Variants in GNG7 observed in about 807,000 individuals in gnomAD.
The protein encoded by GNG7 is guanine nucleotide-binding protein G(I)/G(S)/G(O) subunit gamma-7.
Under a neutral mutation model 4.0 loss-of-function variants are expected in GNG7, and 1 was observed. The ratio of observed to expected loss-of-function variants is 0.25; its 90% CI spans 0.09 to 1.18. GNG7 has a LOEUF of 1.18. Ranked by LOEUF, GNG7 falls within the 50% of genes most tolerant of loss-of-function variation. The pLI, the probability that GNG7 is intolerant of heterozygous loss-of-function variation, is 0.50. For missense variants in GNG7, 86 were observed against 91.9 expected, an observed-to-expected ratio of 0.94 and a Z score of 0.26; for synonymous variants, 34 against 36.9, an observed-to-expected ratio of 0.92 and a Z score of 0.29.
At chr19:2,587,862 AGAAG>A (rs71178293) in intron 2 of GNG7, among the ~76,000 whole-genome samples, 20,454 of 144,806 alleles carry the variant, frequency 0.14, 2,746 homozygotes, top group East Asian at 0.37. Flanking sequence ...AGAGAAAGAG[AGAAG>A]GAAGGAAGGA....
chr19:2,664,445 C>G (rs1983253889), intron 1 of GNG7, among the ~76,000 whole-genome samples: 1 of 152,190 alleles, frequency 6.6e-6, no homozygotes, highest in South Asian at 2.1e-4. Context: ...AGCCACGAGA[C>G]TGATGACGGC....
At chr19:2,699,486 G>A (rs1191133254) in intron 1 of GNG7, among the ~76,000 whole-genome samples, 1 of 152,104 alleles carries the variant, frequency 6.6e-6, no homozygotes, top group Non-Finnish European at 1.5e-5. Context: ...AAAGCAGTGA[G>A]ACCTTACTTC....
chr19:2,562,675 T>A (rs1979779435), intron 2 of GNG7, among the ~76,000 whole-genome samples: 1 of 152,062 alleles, frequency 6.6e-6, no homozygotes, highest in Non-Finnish European at 1.5e-5. Flanking sequence ...ATTTACTGAG[T>A]GTACCCTGGT....
In GNG7 at chr19:2,618,235, C is replaced by T. The variant is rs1457212974; in HGVS notation, c.-78+27989G>A. Among the ~76,000 whole-genome samples, 2 of 152,158 alleles carry T rather than the reference C, an allele frequency of 1.3e-5. No homozygotes were observed. The highest frequency in any genetic ancestry group is 1.5e-5 in the Non-Finnish European group (1 of 68,022). On this transcript the variant is annotated intron_variant, in intron 2 of 4. Transcript: ENST00000382159. The surrounding 1 kb of genome is among the most constrained non-coding windows in gnomAD (Gnocchi z 5.1). The stretch of plus-strand genomic sequence containing the variant: ...TCCACTCACCAGCTTCTCCATCTTG[C>T]CCAAATCCCTGCCAACCCCAGGGCA...
rs773567155 is a variant in GNG7, at chr19:2,634,183, G to T, written c.-78+12041C>A. ...CCTATCATGAGCAGGAAAATAACTC[G>T]AATTTTTTTCCCCAAAATAATGAAC... On this transcript the variant is annotated intron_variant, in intron 2 of 4. Transcript: ENST00000382159. This position sits in a 1 kb window ranked among gnomAD's most constrained non-coding sequence, Gnocchi z 5.3. Among the ~76,000 whole-genome samples the T allele has an allele frequency of 3.9e-5, 6 of 152,002 alleles. No individual in the cohort carries two copies. Among genetic ancestry groups the T allele is most frequent in the Non-Finnish European group, 7.4e-5 (5 of 67,974 alleles).
In GNG7 at chr19:2,633,342, C is replaced by T. The variant is rs1982210991; in HGVS notation, c.-78+12882G>A. On this transcript the variant is annotated intron_variant, in intron 2 of 4. Transcript: ENST00000382159. The surrounding 1 kb of genome is among the most constrained non-coding windows in gnomAD (Gnocchi z 5.9). ...CCTGCCCCCAGCATCTCATCATATG[C>T]GACTGTCACCGCCGTGTGTATTTTG... is the stretch of plus-strand genomic sequence containing the variant. Among the ~76,000 whole-genome samples the T allele has an allele frequency of 1.3e-5, 2 of 152,174 alleles. No individual in the cohort carries two copies. Among genetic ancestry groups the T allele is most frequent in the Admixed American group, 6.5e-5 (1 of 15,274 alleles).
At chr19:2,549,077 C>T (rs1163161733) in intron 3 of GNG7, among the ~76,000 whole-genome samples, 72 of 152,152 alleles carry the variant, frequency 4.7e-4, no homozygotes, top group Non-Finnish European at 1.6e-4. Context: ...CCAGGGGGGA[C>T]ACTAGGTCTG....
At position 2,633,487 on chromosome 19, in the gene GNG7, GCACACACA is replaced by G. The variant is rs796899840; in HGVS notation, c.-78+12729_-78+12736del. On this transcript the variant is annotated intron_variant, in intron 2 of 4. Transcript: ENST00000382159. The surrounding 1 kb of genome is among the most constrained non-coding windows in gnomAD (Gnocchi z 5.9). ...TAGCAACAGGCGCGCGCGCGCGCGC[GCACACACA>G]CACACACACACACACACACACACAC... Among the ~76,000 whole-genome samples the G allele has an allele frequency of 3.6e-4, 37 of 103,806 alleles. No individual in the cohort carries two copies. Among genetic ancestry groups the G allele is most frequent in the Admixed American group, 5.5e-4 (6 of 10,812 alleles). 68.1% of individuals were successfully genotyped at this position (103,806 alleles called of 152,430 possible).
At chr19:2,698,437 G>A (rs62121068) in intron 1 of GNG7, among the ~76,000 whole-genome samples, 55 of 152,030 alleles carry the variant, frequency 3.6e-4, no homozygotes, top group Middle Eastern at 3.4e-3. Flanking sequence ...AGTGGTGTAC[G>A]CCCATAATCC....
Position 2,633,470 on chromosome 19 carries a change from G to GGC in GNG7, c.-78+12752_-78+12753dup, listed in dbSNP as rs71337161. On this transcript the variant is annotated intron_variant, in intron 2 of 4. Coordinates refer to ENST00000382159, the MANE Select transcript of GNG7 (RefSeq NM_052847.3). This position sits in a 1 kb window ranked among gnomAD's most constrained non-coding sequence, Gnocchi z 5.9. ...CTGTTCAAGCGGTTGCTTAGCAACAGGCGCGCGCGCGCGCGCGCACACACA... is the reference window on the plus strand; with the variant it reads ...CTGTTCAAGCGGTTGCTTAGCAACAGGCGCGCGCGCGCGCGCGCGCACACACA... Among the ~76,000 whole-genome samples, 2,023 of 131,968 alleles carry GGC rather than the reference G, an allele frequency of 0.015. 26 individuals carry two copies. Among genetic ancestry groups the GGC allele is most frequent in the African/African-American group, 0.05 (1,497 of 30,108 alleles). The allele number at this position is 131,968 out of a possible 152,430, so 86.6% of individuals were successfully genotyped here. A position where few individuals can be genotyped will look rare whatever the true frequency, so the allele number is the denominator to read the frequency against.
chr19:2,590,713 TCATCCATC>T lies in GNG7; in HGVS notation c.-77-35533_-77-35526del, dbSNP rs1231833220. ...TTCATCCATCCATCCATCCACCCAT[TCATCCATC>T]CATCCATCCATCCATCCACCCACCC... is the stretch of plus-strand genomic sequence containing the variant. On this transcript the variant is annotated intron_variant, in intron 2 of 4. Transcript: ENST00000382159. 8.8e-5 allele frequency among the ~76,000 whole-genome samples: 6 copies of T among 68,436 alleles called. No individual in the cohort carries two copies. In the South Asian group the frequency reaches 2.1e-3, roughly 24 times the overall value. The allele number at this position is 68,436 out of a possible 152,430, so 44.9% of individuals were successfully genotyped here.
intron 2 of GNG7, among the ~76,000 whole-genome samples, chr19:2,571,532 C>CTACG (rs1980145974): frequency 1.3e-5 from 2 of 148,434 alleles, no homozygotes; most frequent in Admixed American, 1.4e-4. Context: ...TGCCTGCAGG[C>CTACG]TACGTTAAGT....
At position 2,653,407 on chromosome 19, in the gene GNG7, G is replaced by A. The variant is rs1006566264; in HGVS notation, c.-134-7127C>T. Among the ~76,000 whole-genome samples the A allele has an allele frequency of 2.6e-5, 4 of 152,210 alleles. No homozygotes were observed. Among genetic ancestry groups the A allele is most frequent in the Admixed American group, 2.0e-4 (3 of 15,280 alleles). On this transcript the variant is annotated intron_variant, in intron 1 of 4. Transcript: ENST00000382159. This position sits in a 1 kb window ranked among gnomAD's most constrained non-coding sequence, Gnocchi z 4.8. ...GATCCTCGGCCCTGCTGAGGTCCCA[G>A]GAGGCTGCACACATTGAAATCCACA...
chr19:2,649,755 A>G lies in GNG7; in HGVS notation c.-134-3475T>C, dbSNP rs144985648. Among the ~76,000 whole-genome samples the G allele has an allele frequency of 4.3e-3, 653 of 152,258 alleles. 2 individuals are homozygous for G. The highest frequency in any genetic ancestry group is 0.015 in the African/African-American group (635 of 41,540). On this transcript the variant is annotated intron_variant, in intron 1 of 4. Transcript: ENST00000382159. ...TGTACCATACAACTCGCCCACTTGA[A>G]GTGTATAATTCATTGTTTTCAGTAT...
chr19:2,639,843 A>G (rs1599435627), intron 2 of GNG7, among the ~76,000 whole-genome samples: 1 of 8,268 alleles, frequency 1.2e-4, no homozygotes, highest in African/African-American at 6.4e-4. Flanking sequence ...GGAAGGAGGG[A>G]GGGAAGGAAG....
At chr19:2,587,934 A>T (rs1980726099) in intron 2 of GNG7, among the ~76,000 whole-genome samples, 1 of 152,082 alleles carries the variant, frequency 6.6e-6, no homozygotes, top group Non-Finnish European at 1.5e-5. Context: ...GGAAGGAAGG[A>T]AAGAAAAGAA....
Position 2,514,655 on chromosome 19 carries a change from G to A in GNG7, c.*367C>T, listed in dbSNP as rs1217753639. ...AAGTCACCTCCCTTTCCCCCTCGGCGCCGGTCCACAATTGAAACGGCAATC... is the reference window on the plus strand; with the variant it reads ...AAGTCACCTCCCTTTCCCCCTCGGCACCGGTCCACAATTGAAACGGCAATC... On this transcript the variant is annotated 3_prime_UTR_variant, in exon 5 of 5. Coordinates refer to ENST00000382159, the MANE Select transcript of GNG7 (RefSeq NM_052847.3). 2 of 169,450 alleles carry A rather than the reference G, an allele frequency of 1.2e-5. No individual in the cohort carries two copies. The highest frequency in any genetic ancestry group is 1.6e-4 in the East Asian group (1 of 6,148). The allele number at this position is 169,450 out of a possible 1,614,324, so 10.5% of individuals were successfully genotyped here. A position where few individuals can be genotyped will look rare whatever the true frequency, so the allele number is the denominator to read the frequency against.
At chr19:2,534,530 T>C (rs977561486) in intron 3 of GNG7, among the ~76,000 whole-genome samples, 1 of 152,212 alleles carries the variant, frequency 6.6e-6, no homozygotes, top group East Asian at 1.9e-4. Flanking sequence ...TCCAGGATCA[T>C]CTCCTTTCTC....
chr19:2,585,331 GTATA>G (rs780871462), intron 2 of GNG7, among the ~76,000 whole-genome samples: 1 of 151,878 alleles, frequency 6.6e-6, no homozygotes, highest in Admixed American at 6.6e-5. Context: ...ATCTTTCTGC[GTATA>G]TATAGATATA....
Sources: allele counts gnomAD v4.1 joint callset (sites outside exome capture counted in the v4.1 genomes callset), GRCh38; gene constraint gnomAD v4.1.1; non-coding constraint Gnocchi (gnomAD v3.1); transcripts MANE v1.5; gene names NCBI Gene and HGNC (gene_info 2026-07-23, HGNC 2026-07-21).